Variants in NTRK2 observed in about 807,000 individuals in gnomAD.
NTRK2 encodes neurotrophic receptor tyrosine kinase 2.
NTRK2 carries 13 observed loss-of-function variants against 94.5 expected under a neutral mutation model. The ratio of observed to expected loss-of-function variants is 0.14; its 90% confidence interval spans 0.09 to 0.22. The LOEUF is 0.22. Among genes scored for constraint, NTRK2 ranks in the 10% least tolerant of loss-of-function variants. The pLI is 1.00. For missense variants in NTRK2, 639 were observed against 1,071.2 expected (o/e 0.60, Z 5.63); for synonymous variants, 372 against 407.4 (o/e 0.91, Z 1.05).
intron 12 of NTRK2, among the ~76,000 whole-genome samples, chr9:84,801,643 G>A (rs2070468474): frequency 6.6e-6 from 1 of 152,192 alleles, no homozygotes; most frequent in Admixed American, 6.5e-5. Flanking sequence ...TGTCTGAGCA[G>A]TTTTAAGGCA....
intron 16 of NTRK2, among the ~76,000 whole-genome samples, chr9:84,951,587 C>T (rs766470810): frequency 5.9e-5 from 9 of 152,164 alleles, no homozygotes; most frequent in Non-Finnish European, 1.2e-4. Flanking sequence ...TTCACTTTCT[C>T]ACTCAGCCTC....
At position 84,890,624 on chromosome 9, in the gene NTRK2, G is replaced by A. The variant is rs182347037; in HGVS notation, c.1633+23193G>A. Among the ~76,000 whole-genome samples, 268 of 152,284 alleles carry A rather than the reference G, an allele frequency of 1.8e-3. 1 individual carries two copies. The highest frequency in any genetic ancestry group is 5.9e-3 in the African/African-American group (245 of 41,552). ...AGAAAAGTAATTAAGGGATCTAGAG[G>A]AAATTGCGAGATATAAATGAAATTT... On this transcript the variant is annotated intron_variant, in intron 14 of 18. Transcript: ENST00000277120.
At chr9:84,994,259 C>A (rs1359732720) in intron 17 of NTRK2, among the ~76,000 whole-genome samples, 4 of 152,156 alleles carry the variant, frequency 2.6e-5, no homozygotes, top group African/African-American at 7.2e-5. Flanking sequence ...ATTAATAACT[C>A]CCCTACTGTA....
chr9:85,005,987 G>A (rs1830918093), intron 17 of NTRK2, among the ~76,000 whole-genome samples: 1 of 152,132 alleles, frequency 6.6e-6, no homozygotes. Flanking sequence ...AGGATATGGA[G>A]CTTATTCACA....
chr9:84,899,057 C>T (rs1295777752), intron 14 of NTRK2, among the ~76,000 whole-genome samples: 1 of 152,130 alleles, frequency 6.6e-6, no homozygotes, highest in African/African-American at 2.4e-5. Context: ...TAGTATAACA[C>T]AAATATGCTT....
rs1205585049 is a variant in NTRK2, at chr9:84,929,399, G to A, written c.1634-4763G>A. ...CCCAGACAGGGTGCAGATCACACGA[G>A]TTTGGTGGTGTATTTCCTATAGCTC... is the stretch of plus-strand genomic sequence containing the variant. On this transcript the variant is annotated intron_variant, in intron 14 of 18. Coordinates refer to ENST00000277120, the MANE Select transcript of NTRK2 (RefSeq NM_006180.6). Among the ~76,000 whole-genome samples, 5 of 152,262 alleles carry A rather than the reference G, an allele frequency of 3.3e-5. No individual in the cohort carries two copies. In the East Asian group the frequency reaches 5.8e-4, roughly 18 times the overall value.
chr9:84,797,474 A>G (rs890981695), intron 12 of NTRK2, among the ~76,000 whole-genome samples: 1 of 139,284 alleles, frequency 7.2e-6, no homozygotes, highest in African/African-American at 2.7e-5. Context: ...TTCATGTGGA[A>G]ATTACTTTAA....
At chr9:84,980,770 T>C (rs1218903255) in intron 17 of NTRK2, among the ~76,000 whole-genome samples, 6 of 152,180 alleles carry the variant, frequency 3.9e-5, no homozygotes, top group African/African-American at 1.4e-4. Context: ...GCATGCCAGG[T>C]TGGGCTTGGG....
intron 7 of NTRK2, among the ~76,000 whole-genome samples, 185 bp from the exon 8 acceptor site, chr9:84,724,039 C>A (rs913040819): frequency 6.6e-6 from 1 of 152,172 alleles, no homozygotes; most frequent in Admixed American, 6.5e-5. Context: ...ATGCACTTAG[C>A]AATTGAAACC....
At chr9:84,976,869 A>G (rs1826926933) in intron 17 of NTRK2, among the ~76,000 whole-genome samples, 1 of 152,246 alleles carries the variant, frequency 6.6e-6, no homozygotes, top group South Asian at 2.1e-4. Flanking sequence ...AAATTAGATC[A>G]TCTATAAATC....
chr9:84,907,542 G>A (rs2077108064), intron 14 of NTRK2, among the ~76,000 whole-genome samples: 1 of 152,178 alleles, frequency 6.6e-6, no homozygotes, highest in African/African-American at 2.4e-5. Context: ...TTTTGTGCCT[G>A]CCTGGCAAAA....
intron 12 of NTRK2, among the ~76,000 whole-genome samples, chr9:84,767,653 A>G (rs2066161760): frequency 6.6e-6 from 1 of 152,030 alleles, no homozygotes; most frequent in African/African-American, 2.4e-5. Context: ...TAATCTCTCT[A>G]TATTTTGGAA....
At chr9:84,675,493 T>C (rs1005452102) in intron 2 of NTRK2, among the ~76,000 whole-genome samples, 9 of 152,216 alleles carry the variant, frequency 5.9e-5, no homozygotes, top group Middle Eastern at 3.4e-3. Context: ...TCTAGAGAGT[T>C]TCTTGTAGGT....
chr9:84,870,097 CTATATATATATATATA>C (rs67434914), intron 14 of NTRK2, among the ~76,000 whole-genome samples: 2 of 99,698 alleles, frequency 2.0e-5, no homozygotes, highest in African/African-American at 8.3e-5. Flanking sequence ...TTCCCATTGA[CTATATATATATATATA>C]TATATATATA....
intron 2 of NTRK2, among the ~76,000 whole-genome samples, chr9:84,697,282 G>A (rs896207133): frequency 2.0e-5 from 3 of 152,116 alleles, no homozygotes; most frequent in Non-Finnish European, 4.4e-5. Context: ...AGGCAAGTGC[G>A]GGGACATGGG....
chr9:84,721,298 C>T (rs2062047441), intron 6 of NTRK2, among the ~76,000 whole-genome samples: 1 of 152,000 alleles, frequency 6.6e-6, no homozygotes, highest in East Asian at 1.9e-4. Context: ...GCCTCAGCCT[C>T]CCAAGTAGCT....
chr9:84,804,769 T>C (rs762176887), intron 12 of NTRK2, among the ~76,000 whole-genome samples: 3 of 152,234 alleles, frequency 2.0e-5, no homozygotes, highest in Non-Finnish European at 2.9e-5. Context: ...AGACTTAGAA[T>C]TGTGGAATGA....
At chr9:84,905,648 T>C (rs1381180229) in intron 14 of NTRK2, among the ~76,000 whole-genome samples, 1 of 152,216 alleles carries the variant, frequency 6.6e-6, no homozygotes, top group Non-Finnish European at 1.5e-5. Flanking sequence ...GTAAAAGTAC[T>C]TCTTAATTTG....
At chr9:85,000,381 C>T (rs7023492) in intron 17 of NTRK2, among the ~76,000 whole-genome samples, 111,063 of 151,994 alleles carry the variant, frequency 0.73, 41,227 homozygotes, top group African/African-American at 0.82. Flanking sequence ...AAAAATCCTC[C>T]GTGTGTCTCC....
Sources: gnomAD v4.1 joint callset for allele counts (sites outside exome capture counted in the v4.1 genomes callset) on GRCh38, gnomAD v4.1.1 for gene constraint, MANE v1.5 for transcripts, NCBI Gene and HGNC (gene_info 2026-07-23, HGNC 2026-07-21) for gene names.